OLFM3: variants seen among roughly 807,000 people sequenced by gnomAD.
OLFM3 encodes noelin-3.
OLFM3 carries 20 observed loss-of-function variants against 48.6 expected under a neutral mutation model. That is an observed-to-expected ratio of 0.41 (90% CI 0.29 to 0.60). The LOEUF is 0.60. Among genes scored for constraint, OLFM3 ranks in the 20% least tolerant of loss-of-function variants. The pLI, the probability that OLFM3 is intolerant of heterozygous loss-of-function variation, is 0.28. For synonymous variants in OLFM3, 222 were observed against 198.1 expected (o/e 1.12, Z -1.01); for missense variants, 437 against 544.3 (o/e 0.80, Z 1.96).
chr1:101,850,625 T>C (rs1363096165), intron 1 of OLFM3, among the ~76,000 whole-genome samples: 1 of 151,964 alleles, frequency 6.6e-6, no homozygotes, highest in Non-Finnish European at 1.5e-5. Flanking sequence ...TAGGTAGATA[T>C]GAAAAATCAA....
intron 2 of OLFM3, among the ~76,000 whole-genome samples, chr1:101,832,112 A>G (rs1655185027): frequency 6.6e-6 from 1 of 152,132 alleles, no homozygotes; most frequent in Non-Finnish European, 1.5e-5. Flanking sequence ...CACATTGATG[A>G]CTATCACCTC....
chr1:101,838,393 CT>C (rs1271933457), intron 1 of OLFM3, among the ~76,000 whole-genome samples: 2 of 152,102 alleles, frequency 1.3e-5, no homozygotes, highest in Non-Finnish European at 2.9e-5. Flanking sequence ...CCTATTTGAC[CT>C]ATCAAGTAGA....
At chr1:101,899,003 T>C (rs11809591) in intron 1 of OLFM3, among the ~76,000 whole-genome samples, 54,443 of 152,064 alleles carry the variant, frequency 0.36, 10,114 homozygotes, top group East Asian at 0.58. Context: ...GTATTTATTG[T>C]TGTGTAACAA....
chr1:101,829,895 C>T (rs928242004), intron 3 of OLFM3, among the ~76,000 whole-genome samples: 9 of 151,390 alleles, frequency 5.9e-5, no homozygotes, highest in Non-Finnish European at 8.8e-5. Context: ...AGTGCAGTGG[C>T]GCTGTCTCGG....
intron 1 of OLFM3, among the ~76,000 whole-genome samples, chr1:101,864,346 T>C (rs1233907709): frequency 6.6e-6 from 1 of 152,230 alleles, no homozygotes; most frequent in Non-Finnish European, 1.5e-5. Context: ...TTTGGACATG[T>C]GTTGCCTGTG....
At chr1:101,924,931 G>A (rs1659220896) in intron 1 of OLFM3, among the ~76,000 whole-genome samples, 1 of 152,178 alleles carries the variant, frequency 6.6e-6, no homozygotes, top group East Asian at 1.9e-4. Flanking sequence ...TTTGTAAGAA[G>A]GACTATAGTG....
intron 1 of OLFM3, among the ~76,000 whole-genome samples, chr1:101,921,215 AC>A (rs1659084374): frequency 6.6e-6 from 1 of 151,494 alleles, no homozygotes. Flanking sequence ...ACACACACAC[AC>A]ACACACACAC....
chr1:101,947,504 C>T (rs946485118), intron 1 of OLFM3, among the ~76,000 whole-genome samples: 5 of 152,138 alleles, frequency 3.3e-5, no homozygotes, highest in Non-Finnish European at 7.3e-5. Context: ...TGTGTTGGCT[C>T]ACACCTGTAA....
intron 1 of OLFM3, among the ~76,000 whole-genome samples, chr1:101,921,368 C>T (rs12080933): frequency 1.3e-5 from 2 of 151,846 alleles, no homozygotes; most frequent in South Asian, 2.1e-4. Flanking sequence ...AAAGTTCAGC[C>T]GCAAAAGAAA....
intron 1 of OLFM3, among the ~76,000 whole-genome samples, chr1:101,881,654 A>G (rs114137294): frequency 0.035 from 5,299 of 151,816 alleles, 232 homozygotes; most frequent in East Asian, 0.21. Context: ...CTTCTTTTGG[A>G]AAAAAACCTA....
intron 1 of OLFM3, among the ~76,000 whole-genome samples, chr1:101,837,364 G>A (rs933410229): frequency 7.9e-5 from 12 of 151,944 alleles, no homozygotes; most frequent in South Asian, 4.2e-4. Context: ...CATATGACTC[G>A]TCTTTCTACA....
In OLFM3 at chr1:101,897,117, GGTGT is replaced by G. The variant is rs564539811; in HGVS notation, c.70-60096_70-60093del. 1.8e-4 allele frequency among the ~76,000 whole-genome samples: 28 copies of G among 152,072 alleles called. No homozygotes were observed. The East Asian group carries it at 5.0e-3, about 27-fold the overall frequency. ...AATTTCTCCACATTTTGTAACTGCA[GGTGT>G]GTGTGTGTTTCATATGTACCAACTA... On this transcript the variant is annotated intron_variant, in intron 1 of 5. Coordinates refer to ENST00000370103, the MANE Select transcript of OLFM3 (RefSeq NM_058170.4).
chr1:101,929,983 G>T (rs1659397535), intron 1 of OLFM3, among the ~76,000 whole-genome samples: 1 of 152,072 alleles, frequency 6.6e-6, no homozygotes, highest in African/African-American at 2.4e-5. Context: ...GAAAAGGGTA[G>T]TATTTGTGCA....
intron 1 of OLFM3, among the ~76,000 whole-genome samples, chr1:101,860,361 A>C (rs1418015551): frequency 3.3e-5 from 5 of 152,084 alleles, no homozygotes; most frequent in South Asian, 4.1e-4. Context: ...CTGCGTGTTA[A>C]CTCAGCATGA....
chr1:101,898,513 A>T (rs1658282167), intron 1 of OLFM3, among the ~76,000 whole-genome samples: 1 of 152,114 alleles, frequency 6.6e-6, no homozygotes, highest in African/African-American at 2.4e-5. Context: ...CAGTTTGGGG[A>T]ACTAATTTAT....
intron 1 of OLFM3, among the ~76,000 whole-genome samples, chr1:101,914,468 C>G (rs1053141481): frequency 1.3e-5 from 2 of 152,296 alleles, no homozygotes; most frequent in East Asian, 3.9e-4. Context: ...AGTTCTTAAA[C>G]AAGTCTGAGT....
At chr1:101,972,641 GC>G (rs1660836819) in intron 1 of OLFM3, among the ~76,000 whole-genome samples, 1 of 152,186 alleles carries the variant, frequency 6.6e-6, no homozygotes, top group Non-Finnish European at 1.5e-5. Flanking sequence ...AACTTACAGT[GC>G]TTTGAAGCAC....
intron 1 of OLFM3, among the ~76,000 whole-genome samples, chr1:101,918,695 C>T (rs1659002836): frequency 6.6e-6 from 1 of 151,620 alleles, no homozygotes; most frequent in Non-Finnish European, 1.5e-5. Flanking sequence ...TGTAAAATAA[C>T]ATATTCACGG....
intron 1 of OLFM3, among the ~76,000 whole-genome samples, chr1:101,904,797 G>A (rs149003901): frequency 6.2e-4 from 95 of 152,134 alleles, no homozygotes; most frequent in Non-Finnish European, 9.3e-4. Flanking sequence ...CAGCCATCCA[G>A]AAAACATAAA....
Sources: allele counts gnomAD v4.1 joint callset (sites outside exome capture counted in the v4.1 genomes callset), GRCh38; gene constraint gnomAD v4.1.1; transcripts MANE v1.5; gene names NCBI Gene and HGNC (gene_info 2026-07-23, HGNC 2026-07-21).